Variants in ALDH9A1 observed in about 807,000 individuals in gnomAD.
The protein encoded by ALDH9A1 is aldehyde dehydrogenase 9 family member A1.
Under a neutral mutation model 56.6 loss-of-function variants are expected in ALDH9A1, and 42 were observed. That is an observed-to-expected ratio of 0.74 (90% CI 0.58 to 0.96). The LOEUF is 0.96. Ranked by LOEUF, ALDH9A1 falls within the 40% of genes least tolerant of loss-of-function variation. The pLI is 0.00. For missense variants in ALDH9A1, 661 were observed against 651.5 expected (o/e 1.01, Z -0.16); for synonymous variants, 242 against 236.0 (o/e 1.03, Z -0.23).
chr1:165,677,017 T>C (rs1018364678), intron 6 of ALDH9A1, among the ~76,000 whole-genome samples: 1 of 152,202 alleles, frequency 6.6e-6, no homozygotes, highest in African/African-American at 2.4e-5. Context: ...CAGATATTAT[T>C]TATGAAATAC....
intron 6 of ALDH9A1, 101 bp from the exon 7 acceptor site, chr1:165,669,551 A>G (rs1354795610): frequency 2.9e-6 from 3 of 1,030,650 alleles, no homozygotes. Context: ...GAAAAGAGAC[A>G]CTATACATTT....
chr1:165,668,259 C>T (rs1384980279), intron 8 of ALDH9A1, among the ~76,000 whole-genome samples: 1 of 152,122 alleles, frequency 6.6e-6, no homozygotes, highest in Admixed American at 6.6e-5. Flanking sequence ...GAGGTAGAGC[C>T]TAGTGGGAGG....
intron 2 of ALDH9A1, among the ~76,000 whole-genome samples, chr1:165,693,766 G>A (rs12728137): frequency 0.37 from 55,644 of 152,024 alleles, 10,364 homozygotes; most frequent in East Asian, 0.59. Flanking sequence ...ACATGCACAC[G>A]TATGTTTATT....
At chr1:165,696,196 T>C (rs1650078428) in intron 1 of ALDH9A1, among the ~76,000 whole-genome samples, 1 of 152,154 alleles carries the variant, frequency 6.6e-6, no homozygotes, top group Non-Finnish European at 1.5e-5. Flanking sequence ...ATTAGGAGTC[T>C]GATAAAAGTT....
chr1:165,667,544 TTGCCCAGTC>T, intron 8 of ALDH9A1, 94 bp from the exon 9 acceptor site: 2 of 1,394,582 alleles, frequency 1.4e-6, no homozygotes, highest in Non-Finnish European at 2.0e-6. Flanking sequence ...TCTCACTATG[TTGCCCAGTC>T]TGGTCTCAAA....
At chr1:165,676,792 TA>T (rs1649375690) in intron 6 of ALDH9A1, 4 of 462,476 alleles carry the variant, frequency 8.6e-6, no homozygotes, top group African/African-American at 2.0e-5. Flanking sequence ...ATGATAGGTA[TA>T]AAAAAATAAA....
chr1:165,678,273 G>A (rs939908834), intron 6 of ALDH9A1, among the ~76,000 whole-genome samples: 5 of 152,218 alleles, frequency 3.3e-5, no homozygotes, highest in African/African-American at 1.2e-4. Flanking sequence ...GGCAGAGGAT[G>A]CAGTGAGCCG....
chr1:165,690,930 C>T (rs553927401), intron 2 of ALDH9A1, among the ~76,000 whole-genome samples: 37 of 152,340 alleles, frequency 2.4e-4, no homozygotes, highest in Middle Eastern at 3.4e-3. Context: ...GCACCTCTGG[C>T]GGCAGGGCAT....
intron 6 of ALDH9A1, among the ~76,000 whole-genome samples, chr1:165,674,685 CAAAAAAAAAA>C (rs36011778): frequency 8.7e-6 from 1 of 115,556 alleles, no homozygotes; most frequent in African/African-American, 3.4e-5. Context: ...GACTCCGAAT[CAAAAAAAAAA>C]AAAAAAAAAA....
chr1:165,691,793 C>T (rs1479445645), intron 2 of ALDH9A1, among the ~76,000 whole-genome samples: 2 of 152,172 alleles, frequency 1.3e-5, no homozygotes, highest in African/African-American at 4.8e-5. Context: ...ACCAATATCC[C>T]TGATGAACAT....
intron 6 of ALDH9A1, among the ~76,000 whole-genome samples, chr1:165,675,379 T>C (rs577310383): frequency 3.1e-4 from 47 of 150,562 alleles, no homozygotes; most frequent in African/African-American, 1.1e-3. Flanking sequence ...CACACACACA[T>C]AGCAAAGAAA....
intron 1 of ALDH9A1, 118 bp downstream of exon 1, chr1:165,698,260 C>G: frequency 4.1e-6 from 6 of 1,452,240 alleles, no homozygotes; most frequent in Non-Finnish European, 5.4e-6. Flanking sequence ...CTTAGACTCT[C>G]CACTGTCACT....
intron 2 of ALDH9A1, among the ~76,000 whole-genome samples, chr1:165,689,817 C>CCAGCTATT (rs1319908811): frequency 6.6e-6 from 1 of 151,684 alleles, no homozygotes; most frequent in East Asian, 1.9e-4. Context: ...GCCTGTAATC[C>CCAGCTATT]CAGCTATTCA....
intron 2 of ALDH9A1, among the ~76,000 whole-genome samples, chr1:165,685,065 T>A (rs1333668462): frequency 6.6e-6 from 1 of 152,222 alleles, no homozygotes; most frequent in Non-Finnish European, 1.5e-5. Context: ...ATCAAAGATG[T>A]CTCTGACAAA....
intron 6 of ALDH9A1, among the ~76,000 whole-genome samples, chr1:165,677,249 A>C (rs1198287498): frequency 6.6e-6 from 1 of 152,058 alleles, no homozygotes; most frequent in Admixed American, 6.6e-5. Context: ...GGTGTGCTAC[A>C]CTGGAGACTG....
At chr1:165,679,844 T>G (rs186914524) in intron 5 of ALDH9A1, among the ~76,000 whole-genome samples, 1 of 152,182 alleles carries the variant, frequency 6.6e-6, no homozygotes, top group Admixed American at 6.5e-5. Context: ...AGACCCTATC[T>G]CTACAGAAAA....
At position 165,662,749 on chromosome 1, in the gene ALDH9A1, A is replaced by G; in HGVS notation, c.*301T>C. 6.9e-6 allele frequency: 2 copies of G among 288,844 alleles called. No individual in the cohort carries two copies. Among genetic ancestry groups the G allele is most frequent in the Non-Finnish European group, 1.3e-5 (2 of 152,122 alleles). The allele number at this position is 288,844 out of a possible 1,614,324, so 17.9% of individuals were successfully genotyped here. A position where few individuals can be genotyped will look rare whatever the true frequency, so the allele number is the denominator to read the frequency against. ...ATTATCAGTGGGCCAAATGTGTGGAAGATGTATTATCCTAGTCTCTTTTCC... is the reference window on the plus strand; with the variant it reads ...ATTATCAGTGGGCCAAATGTGTGGAGGATGTATTATCCTAGTCTCTTTTCC... On this transcript the variant is annotated 3_prime_UTR_variant, in exon 11 of 11. Coordinates refer to ENST00000354775, the MANE Select transcript of ALDH9A1 (RefSeq NM_000696.4).
chr1:165,668,049 G>C (rs1042328128), intron 8 of ALDH9A1, among the ~76,000 whole-genome samples: 5 of 152,146 alleles, frequency 3.3e-5, no homozygotes, highest in African/African-American at 1.2e-4. Flanking sequence ...AGATGGGTGG[G>C]AGTAGGATGC....
rs149166591 is a variant in ALDH9A1 at position 165,689,896 on chromosome 1, T to G, written c.327+5356A>C. On this transcript the variant is annotated intron_variant, in intron 2 of 10. Transcript: ENST00000354775. The stretch of plus-strand genomic sequence containing the variant: ...TTGCAGTGAGCCAAGATTGTGCCAT[T>G]GCACTCCAGCCTGGGTGACAGAGTG... Among the ~76,000 whole-genome samples the G allele has an allele frequency of 3.0e-3, 453 of 150,662 alleles. 13 individuals are homozygous for G. In the East Asian group the frequency reaches 0.06, roughly 20 times the overall value.
Sources: allele counts gnomAD v4.1 joint callset (sites outside exome capture counted in the v4.1 genomes callset), GRCh38; gene constraint gnomAD v4.1.1; transcripts MANE v1.5; gene names NCBI Gene and HGNC (gene_info 2026-07-23, HGNC 2026-07-21).